Variants in SLC22A16 observed in about 807,000 individuals in gnomAD.
SLC22A16 encodes solute carrier family 22 member 16, also known as WUGSC:RG331P03.1.
In SLC22A16, 53 loss-of-function variants were observed where a neutral mutation model predicts 52.9. The ratio of observed to expected loss-of-function variants is 1.00; its 90% confidence interval spans 0.80 to 1.26. The LOEUF is 1.26. Among genes scored for constraint, SLC22A16 ranks in the 50% most tolerant of loss-of-function variants. The pLI, the probability that SLC22A16 is intolerant of heterozygous loss-of-function variation, is 0.00. For synonymous variants in SLC22A16, 291 were observed against 268.8 expected, an observed-to-expected ratio of 1.08 and a Z score of -0.81; for missense variants, 726 against 704.0, an observed-to-expected ratio of 1.03 and a Z score of -0.35.
chr6:110,442,256 G>GAA lies in SLC22A16; in HGVS notation c.1170_1171insTT (p.Leu391PhefsTer7). On this transcript the variant is annotated frameshift_variant, in exon 4 of 8. Coordinates refer to ENST00000368919, the MANE Select transcript of SLC22A16 (RefSeq NM_033125.4). LOFTEE classifies it high-confidence loss of function. ...TGTAACTACTTACCCAGGAGGAAGA[G>GAA]GTTTAAGTATTCATTGCCTCCTAAG... 6.2e-7 allele frequency: 1 copy of GAA among 1,613,906 alleles called. No individual in the cohort carries two copies.
intron 1 of SLC22A16, among the ~76,000 whole-genome samples, chr6:110,460,325 T>C (rs1050846199): frequency 6.6e-6 from 1 of 152,174 alleles, no homozygotes. Flanking sequence ...TCACCTTTTA[T>C]ATATTAGAAA....
chr6:110,431,323 T>C (rs1774495123), intron 6 of SLC22A16, 53 bp from the exon 7 acceptor site: 6 of 1,471,156 alleles, frequency 4.1e-6, no homozygotes, highest in Non-Finnish European at 5.7e-6. Context: ...GACCCAGGGA[T>C]TGAGGGACCT....
intron 1 of SLC22A16, among the ~76,000 whole-genome samples, chr6:110,459,443 T>A (rs1775785275): frequency 6.6e-6 from 1 of 151,970 alleles, no homozygotes; most frequent in Admixed American, 6.6e-5. Context: ...TTTAATAATT[T>A]AAAAAAAGAC....
At chr6:110,466,677 G>T (rs1273267224) in intron 1 of SLC22A16, among the ~76,000 whole-genome samples, 1 of 152,126 alleles carries the variant, frequency 6.6e-6, no homozygotes, top group Admixed American at 6.5e-5. Context: ...CTGTTAGCAG[G>T]AATATGAATT....
Position 110,424,868 on chromosome 6 carries a change from C to A in SLC22A16, c.*5G>T. 1 of 1,614,094 alleles carries A rather than the reference C, an allele frequency of 6.2e-7. No individual in the cohort carries two copies. The highest frequency in any genetic ancestry group is 8.5e-7 in the Non-Finnish European group (1 of 1,179,998). On this transcript the variant is annotated 3_prime_UTR_variant, in exon 8 of 8. Coordinates refer to ENST00000368919, the MANE Select transcript of SLC22A16 (RefSeq NM_033125.4). ...TTCAGGTGCTAGACAGCAGGCATGG[C>A]ACATTTATTCACCAAGACCAGAATC...
intron 1 of SLC22A16, among the ~76,000 whole-genome samples, chr6:110,461,116 G>T (rs566935516): frequency 2.6e-4 from 40 of 152,350 alleles, no homozygotes; most frequent in Non-Finnish European, 4.6e-4. Flanking sequence ...AGGTGGTACT[G>T]CCTGGGCTTT....
intron 1 of SLC22A16, among the ~76,000 whole-genome samples, chr6:110,466,921 A>ATAGATAGG (rs1436930618): frequency 2.8e-5 from 4 of 141,406 alleles, no homozygotes; most frequent in Admixed American, 7.4e-5. Context: ...TGATAGATAG[A>ATAGATAGG]TAGATAGATA....
intron 1 of SLC22A16, among the ~76,000 whole-genome samples, chr6:110,459,826 T>A (rs1775803381): frequency 6.6e-6 from 1 of 152,110 alleles, no homozygotes; most frequent in Non-Finnish European, 1.5e-5. Context: ...AAATAGAGTC[T>A]CCAAATTTAT....
At chr6:110,475,766 T>G (rs55679760) in intron 1 of SLC22A16, among the ~76,000 whole-genome samples, 29,873 of 152,072 alleles carry the variant, frequency 0.2, 5,156 homozygotes, top group African/African-American at 0.46. Flanking sequence ...CTGAGTCAGA[T>G]AGAGGAGCTC....
At chr6:110,441,872 A>G (rs1213690271) in intron 4 of SLC22A16, among the ~76,000 whole-genome samples, 1 of 152,168 alleles carries the variant, frequency 6.6e-6, no homozygotes, top group African/African-American at 2.4e-5. Flanking sequence ...TCTTCAGTTA[A>G]TAGTGTAAAT....
intron 4 of SLC22A16, among the ~76,000 whole-genome samples, chr6:110,440,567 CAGG>C (rs1237389611): frequency 6.6e-6 from 1 of 152,186 alleles, no homozygotes; most frequent in Non-Finnish European, 1.5e-5. Flanking sequence ...CACCTGAGGT[CAGG>C]AGTTCGAGAC....
chr6:110,456,479 A>G, intron 2 of SLC22A16, 59 bp downstream of exon 2: 5 of 1,561,298 alleles, frequency 3.2e-6, no homozygotes, highest in Non-Finnish European at 4.3e-6. Context: ...TGTCCCAAGA[A>G]AACCAGATAG....
At chr6:110,427,325 C>T (rs1582512416) in intron 7 of SLC22A16, among the ~76,000 whole-genome samples, 2 of 151,790 alleles carry the variant, frequency 1.3e-5, no homozygotes, top group South Asian at 4.2e-4. Flanking sequence ...ATCTCCATAC[C>T]CACATTGCCT....
At chr6:110,465,729 A>G (rs1046834549) in intron 1 of SLC22A16, among the ~76,000 whole-genome samples, 2 of 152,144 alleles carry the variant, frequency 1.3e-5, no homozygotes, top group Admixed American at 1.3e-4. Flanking sequence ...GCAATCTACA[A>G]ATTCAATGCA....
At position 110,424,999 on chromosome 6, in the gene SLC22A16, C is replaced by T. The variant is rs768564494; in HGVS notation, c.1608G>A (p.Trp536Ter). Residue 536 changes from tryptophan to a stop codon, truncating the protein, a stop_gained, in exon 8 of 8, where the codon TGG (tryptophan) becomes TGA (stop). Transcript: ENST00000368919. LOFTEE classifies it low-confidence loss of function (END_TRUNC). ...CTGACTCCAGTTTTGCAGCCTCCTC[C>T]CAAGTAGTTGCTAGCCGTTTCCCAA... ...ETLGKRLATT[W>*]EEAAKLESEN... 26 of 1,614,046 alleles carry T rather than the reference C, an allele frequency of 1.6e-5. No individual in the cohort carries two copies. In the South Asian group the frequency reaches 2.2e-4, roughly 14 times the overall value.
chr6:110,429,126 C>T (rs2114882030), intron 7 of SLC22A16, among the ~76,000 whole-genome samples: 1 of 152,172 alleles, frequency 6.6e-6, no homozygotes, highest in Non-Finnish European at 1.5e-5. Context: ...AACACTTTCT[C>T]ATTTTATCTT....
In SLC22A16 at chr6:110,435,300, C is replaced by T. The variant is rs1030204466; in HGVS notation, c.1421+552G>A. The stretch of plus-strand genomic sequence containing the variant: ...GGCCGTAATCCAATATGGCTGGTGT[C>T]TTATATGAAGAGGGAGGGACATCAG... On this transcript the variant is annotated intron_variant, in intron 6 of 7. Transcript: ENST00000368919. 3.3e-5 allele frequency among the ~76,000 whole-genome samples: 5 copies of T among 152,050 alleles called. No individual in the cohort carries two copies. In the South Asian group the frequency reaches 8.3e-4, roughly 25 times the overall value.
intron 1 of SLC22A16, among the ~76,000 whole-genome samples, chr6:110,460,316 C>T (rs781569096): frequency 1.3e-5 from 2 of 152,116 alleles, no homozygotes; most frequent in Non-Finnish European, 2.9e-5. Flanking sequence ...TCATATTTAT[C>T]ACCTTTTATA....
In SLC22A16 at chr6:110,435,913, T is replaced by C; in HGVS notation, c.1360A>G (p.Ile454Val). 6.2e-7 allele frequency: 1 copy of C among 1,614,084 alleles called. No homozygotes were observed. Among genetic ancestry groups the C allele is most frequent in the Non-Finnish European group, 8.5e-7 (1 of 1,179,984 alleles). The part of the protein sequence containing the change: ...VVTAMVGKFA[I>V]GAAFGLIYLY... ...TAAATGAGGCCAAATGCTGCCCCGA[T>C]GGCAAATTTTCCAACCATAGCTGTC... Residue 454 changes from isoleucine to valine, a missense_variant, in exon 6 of 8, where the codon ATC becomes GTC. Ile to Val is a conservative substitution (Grantham distance 29). Coordinates refer to ENST00000368919, the MANE Select transcript of SLC22A16 (RefSeq NM_033125.4).
Sources: gnomAD v4.1 joint callset for allele counts (sites outside exome capture counted in the v4.1 genomes callset) on GRCh38, gnomAD v4.1.1 for gene constraint, MANE v1.5 for transcripts, NCBI Gene and HGNC (gene_info 2026-07-23, HGNC 2026-07-21) for gene names.